The following SYTL5 variants were observed in gnomAD, a reference collection of about 807,000 sequenced individuals.
SYTL5 encodes synaptotagmin-like protein 5.
Under a neutral mutation model 55.9 loss-of-function variants are expected in SYTL5, and 34 were observed. That is an observed-to-expected ratio of 0.61 (90% CI 0.46 to 0.81). The LOEUF is 0.81. Ranked by LOEUF, SYTL5 falls within the 30% of genes least tolerant of loss-of-function variation. SYTL5 has a pLI of 0.00. For missense variants in SYTL5, 637 were observed against 546.7 expected (o/e 1.17, Z -1.65); for synonymous variants, 221 against 188.7 (o/e 1.17, Z -1.40).
At chrX:38,040,826 A>G (rs1473159239) in intron 2 of SYTL5, among the ~76,000 whole-genome samples, 2 of 111,811 alleles carry the variant, frequency 1.8e-5, no homozygotes, top group African/African-American at 3.2e-5. Flanking sequence ...TTTTTTGGGT[A>G]TATACCTAGG....
At chrX:37,923,051 G>T in the SYTL5 span, among the ~76,000 whole-genome samples, 1 of 112,339 alleles carries the variant, frequency 8.9e-6, no homozygotes, top group African/African-American at 3.2e-5. Context: ...TTTAAAACTT[G>T]GTATCAGATA....
chrX:37,894,070 C>T, the SYTL5 span, among the ~76,000 whole-genome samples: 1 of 110,693 alleles, frequency 9.0e-6, no homozygotes, highest in East Asian at 2.8e-4. Context: ...GCCTAGTCTT[C>T]TCTTGCCCTA....
chrX:37,943,412 A>C, the SYTL5 span, among the ~76,000 whole-genome samples: 1 of 111,412 alleles, frequency 9.0e-6, no homozygotes, highest in Non-Finnish European at 1.9e-5. Context: ...GACTGGGCTT[A>C]ACTCTGACTC....
At chrX:38,025,945 G>A (rs898059295) in intron 1 of SYTL5, among the ~76,000 whole-genome samples, 2 of 112,189 alleles carry the variant, frequency 1.8e-5, no homozygotes, top group East Asian at 5.6e-4. Flanking sequence ...ACCAAATATG[G>A]AGAACTCCAT....
the SYTL5 span, among the ~76,000 whole-genome samples, chrX:37,963,964 T>A: frequency 8.9e-6 from 1 of 112,166 alleles, no homozygotes; most frequent in African/African-American, 3.2e-5. Context: ...TTTTATTACA[T>A]CTGTTGAGAC....
the SYTL5 span, among the ~76,000 whole-genome samples, chrX:37,930,615 C>T: frequency 8.9e-6 from 1 of 112,012 alleles, no homozygotes; most frequent in African/African-American, 3.2e-5. Flanking sequence ...AGGGGAAGTA[C>T]ATTTTTCCTT....
At chrX:37,970,799 T>C in the SYTL5 span, among the ~76,000 whole-genome samples, 1 of 112,336 alleles carries the variant, frequency 8.9e-6, no homozygotes. Context: ...GCTGTTTTCA[T>C]TTAAGCCAAC....
At chrX:37,929,784 G>A in the SYTL5 span, among the ~76,000 whole-genome samples, 1 of 111,913 alleles carries the variant, frequency 8.9e-6, no homozygotes, top group African/African-American at 3.2e-5. Context: ...AAAGCACTTT[G>A]ACAAATATGT....
the SYTL5 span, among the ~76,000 whole-genome samples, chrX:37,990,120 C>T: frequency 9.0e-6 from 1 of 110,895 alleles, no homozygotes; most frequent in Admixed American, 9.6e-5. Context: ...GATCCACCCA[C>T]CTCTGCCTCC....
rs912059242 is a variant in SYTL5, at chrX:38,045,453, A to T, written c.120-8760A>T. 7.2e-5 allele frequency among the ~76,000 whole-genome samples: 8 copies of T among 111,240 alleles called. No homozygotes were observed. In the South Asian group the frequency reaches 1.1e-3, roughly 16 times the overall value. On this transcript the variant is annotated intron_variant, in intron 2 of 16. Transcript: ENST00000297875. ...CTCCGTTGTTTTCAGTATTTTTTGG[A>T]TTTGGGTTTTTTGTTTTGTTTTGTT...
chrX:37,976,540 A>G, the SYTL5 span, among the ~76,000 whole-genome samples: 2 of 112,182 alleles, frequency 1.8e-5, no homozygotes, highest in South Asian at 7.4e-4. Flanking sequence ...TTCTGGGAAT[A>G]ATAATGAACT....
chrX:38,043,676 T>TATATATAC (rs1935365183), intron 2 of SYTL5, among the ~76,000 whole-genome samples: 1 of 74,067 alleles, frequency 1.4e-5, no homozygotes, highest in African/African-American at 6.7e-5. Context: ...TATATATATA[T>TATATATAC]ATATATATAT....
the SYTL5 span, among the ~76,000 whole-genome samples, chrX:37,960,778 A>G: frequency 0.018 from 1,328 of 72,008 alleles, 12 homozygotes; most frequent in Middle Eastern, 0.11. Context: ...TTATTTATTT[A>G]TTTATTTATT....
chrX:37,999,719 A>G, the SYTL5 span, among the ~76,000 whole-genome samples: 1 of 112,120 alleles, frequency 8.9e-6, no homozygotes, highest in Non-Finnish European at 1.9e-5. Context: ...TGAGGTATAC[A>G]GTTATCAGAC....
chrX:38,097,110 C>A (rs1402230644), intron 9 of SYTL5, among the ~76,000 whole-genome samples: 1 of 110,973 alleles, frequency 9.0e-6, no homozygotes, highest in South Asian at 3.7e-4. Context: ...AATAAAACTA[C>A]AAGTCAAACT....
At chrX:38,093,681 CA>C (rs1389498300) in intron 7 of SYTL5, among the ~76,000 whole-genome samples, 1 of 110,836 alleles carries the variant, frequency 9.0e-6, no homozygotes, top group African/African-American at 3.3e-5. Context: ...AGACACCACA[CA>C]AAAAAAATAA....
rs1936741016 is a variant in SYTL5, at chrX:38,089,471, A to G, written c.715A>G (p.Asn239Asp). ...GGGAAGCACTGGCTCATCAGATCTC[A>G]ATGACCAGGAACCTGGTCCTAGGAC... ...DRGSTGSSDL[N>D]DQEPGPRTPK... is the part of the protein sequence containing the mutation. The change falls in exon 7 of 17, where the codon AAT becomes GAT. Residue 239 changes from asparagine to aspartate, a missense_variant. Transcript: ENST00000297875. The G allele has an allele frequency of 1.7e-6, 2 of 1,207,416 alleles. No homozygotes were observed. Among genetic ancestry groups the G allele is most frequent in the African/African-American group, 1.8e-5 (1 of 56,850 alleles).
At chrX:38,032,610 G>T (rs907938002) in intron 1 of SYTL5, among the ~76,000 whole-genome samples, 2 of 110,929 alleles carry the variant, frequency 1.8e-5, no homozygotes, top group African/African-American at 6.6e-5. Flanking sequence ...TTCCTAATTT[G>T]CCTATATTTA....
chrX:38,072,919 T>G (rs1182389627), intron 4 of SYTL5, among the ~76,000 whole-genome samples: 5 of 112,049 alleles, frequency 4.5e-5, no homozygotes, highest in Non-Finnish European at 7.5e-5. Flanking sequence ...TAGGCTTATC[T>G]CATCTTTCAT....
Sources: allele counts gnomAD v4.1 joint callset (sites outside exome capture counted in the v4.1 genomes callset), GRCh38; gene constraint gnomAD v4.1.1; transcripts MANE v1.5; gene names NCBI Gene and HGNC (gene_info 2026-07-23, HGNC 2026-07-21).